PTPRD: variants seen among roughly 807,000 people sequenced by gnomAD.
The protein encoded by PTPRD is receptor-type tyrosine-protein phosphatase delta.
Under a neutral mutation model 214.5 loss-of-function variants are expected in PTPRD, and 34 were observed. The observed-to-expected ratio is 0.16, with a 90% confidence interval of 0.12 to 0.21. The LOEUF (loss-of-function observed/expected upper bound fraction) is 0.21, where lower values mean the gene tolerates loss of function less well. Among genes scored for constraint, PTPRD ranks in the 10% least tolerant of loss-of-function variants. The probability of loss-of-function intolerance (pLI) is 1.00; values close to 1 mark genes in which losing one functional copy is unlikely to be tolerated. For synonymous variants in PTPRD, 1,128 were observed against 845.7 expected, an observed-to-expected ratio of 1.33 and a Z score of -5.79; for missense variants, 2,545 against 2,398.7, an observed-to-expected ratio of 1.06 and a Z score of -1.27.
chr9:9,273,773 G>A lies in PTPRD; in HGVS notation c.-202-90410C>T, dbSNP rs143560181. On this transcript the variant is annotated intron_variant, in intron 9 of 45. Transcript: ENST00000381196. Reference sequence around the variant, plus strand: ...TAATGATTTGCACAGGTGGAAGTAAGAGATTATAATGAGGTCTCATCCTCC... The same window carrying A: ...TAATGATTTGCACAGGTGGAAGTAAAAGATTATAATGAGGTCTCATCCTCC... 3.4e-3 allele frequency among the ~76,000 whole-genome samples: 508 copies of A among 151,370 alleles called. 2 individuals are homozygous for A. The highest frequency in any genetic ancestry group is 0.012 in the African/African-American group (482 of 41,410).
chr9:9,683,285 A>G (rs1296096682), intron 7 of PTPRD, among the ~76,000 whole-genome samples: 1 of 151,710 alleles, frequency 6.6e-6, no homozygotes, highest in Admixed American at 6.6e-5. Flanking sequence ...TGGGAATATT[A>G]CCAGGCACTC....
chr9:9,883,341 AATTT>A (rs1298204519), intron 5 of PTPRD, among the ~76,000 whole-genome samples: 2 of 152,148 alleles, frequency 1.3e-5, no homozygotes, highest in Non-Finnish European at 2.9e-5. Flanking sequence ...AAACGCTAGA[AATTT>A]ATTTATAAGT....
At chr9:8,693,357 C>T (rs866146637) in intron 12 of PTPRD, among the ~76,000 whole-genome samples, 4 of 152,330 alleles carry the variant, frequency 2.6e-5, no homozygotes, top group Non-Finnish European at 4.4e-5. Flanking sequence ...ACATATCCTT[C>T]TTCTCCATGT....
chr9:9,469,438 T>G (rs76974097), intron 8 of PTPRD, among the ~76,000 whole-genome samples: 1 of 152,108 alleles, frequency 6.6e-6, no homozygotes, highest in Non-Finnish European at 1.5e-5. Flanking sequence ...CCGATGTACT[T>G]GGGTTCCAGA....
intron 4 of PTPRD, among the ~76,000 whole-genome samples, chr9:9,956,174 T>G (rs1440255538): frequency 2.0e-5 from 3 of 152,202 alleles, no homozygotes; most frequent in Non-Finnish European, 2.9e-5. Flanking sequence ...TGGAGAGGTA[T>G]TTTTCTTCCC....
At chr9:9,977,275 T>C (rs1321311138) in intron 4 of PTPRD, among the ~76,000 whole-genome samples, 2 of 152,148 alleles carry the variant, frequency 1.3e-5, no homozygotes, top group Non-Finnish European at 2.9e-5. Flanking sequence ...CAAAAGTGCA[T>C]CCTTGGCTTA....
chr9:9,863,836 GAAAA>G (rs34403806), intron 5 of PTPRD, among the ~76,000 whole-genome samples: 3 of 135,584 alleles, frequency 2.2e-5, no homozygotes, highest in Non-Finnish European at 3.2e-5. Flanking sequence ...ATGCAGGACG[GAAAA>G]AAAAAAAAAA....
intron 10 of PTPRD, among the ~76,000 whole-genome samples, chr9:9,138,908 G>C (rs324549): frequency 5.3e-5 from 8 of 151,664 alleles, no homozygotes; most frequent in African/African-American, 1.7e-4. Flanking sequence ...GTTATATTTG[G>C]TTATTATAAC....
intron 11 of PTPRD, among the ~76,000 whole-genome samples, chr9:8,928,275 C>T (rs1373871304): frequency 2.6e-5 from 4 of 152,116 alleles, no homozygotes; most frequent in Non-Finnish European, 4.4e-5. Flanking sequence ...GAAGTCTTTG[C>T]CCATGCCTAT....
intron 8 of PTPRD, among the ~76,000 whole-genome samples, chr9:9,404,170 A>C (rs1370059710): frequency 1.3e-5 from 2 of 152,096 alleles, no homozygotes; most frequent in African/African-American, 2.4e-5. Context: ...GTGCCAAGAA[A>C]TTTGGGTTTA....
At chr9:10,256,025 T>G (rs35715178) in intron 3 of PTPRD, among the ~76,000 whole-genome samples, 3,400 of 152,214 alleles carry the variant, frequency 0.022, 180 homozygotes, top group East Asian at 0.14. Flanking sequence ...GCAGCAGCAT[T>G]AGATTATCAC....
rs887558484 is a variant in PTPRD, at chr9:10,412,193, G to A, written c.-599-71176C>T. 4.0e-5 allele frequency among the ~76,000 whole-genome samples: 6 copies of A among 151,660 alleles called. No homozygotes were observed. The East Asian group carries it at 1.2e-3, about 30-fold the overall frequency. The stretch of plus-strand genomic sequence containing the variant: ...ATAAGCTATACTAATAAAGAAGAGA[G>A]AAGATCCAAATAACATAATTAGAAA... On this transcript the variant is annotated intron_variant, in intron 2 of 45. Coordinates refer to ENST00000381196, the MANE Select transcript of PTPRD (RefSeq NM_002839.4).
At chr9:10,190,353 A>G (rs2099357323) in intron 3 of PTPRD, among the ~76,000 whole-genome samples, 1 of 134,206 alleles carries the variant, frequency 7.5e-6, no homozygotes, top group Non-Finnish European at 1.6e-5. Context: ...GCACTCCAGC[A>G]CTGCAGCCTG....
At chr9:8,441,989 G>A (rs2132934701) in intron 34 of PTPRD, among the ~76,000 whole-genome samples, 1 of 152,278 alleles carries the variant, frequency 6.6e-6, no homozygotes, top group African/African-American at 2.4e-5. Flanking sequence ...TATGCAGCAA[G>A]ACAGAGATCA....
intron 4 of PTPRD, among the ~76,000 whole-genome samples, chr9:9,950,359 G>T (rs1050973982): frequency 6.6e-6 from 1 of 152,170 alleles, no homozygotes; most frequent in Non-Finnish European, 1.5e-5. Context: ...AGCTAGGGAA[G>T]CTGGTGGAGA....
rs185340018 is a variant in PTPRD, at chr9:9,455,167, G to T, written c.-236-57685C>A. 4.7e-4 allele frequency among the ~76,000 whole-genome samples: 72 copies of T among 151,658 alleles called. No homozygotes were observed. The South Asian group carries it at 8.7e-3, about 18-fold the overall frequency. ...GTAACATCTGGTGGTAGCATAGATGGTTATTCTGCAGTTGATATTCTAAGT... is the reference window on the plus strand; with the variant it reads ...GTAACATCTGGTGGTAGCATAGATGTTTATTCTGCAGTTGATATTCTAAGT... On this transcript the variant is annotated intron_variant, in intron 8 of 45. Transcript: ENST00000381196.
At chr9:9,636,902 G>A (rs568469035) in intron 7 of PTPRD, among the ~76,000 whole-genome samples, 1 of 152,244 alleles carries the variant, frequency 6.6e-6, no homozygotes, top group East Asian at 1.9e-4. Context: ...TCTGGTAAGG[G>A]GGGCGAGTCT....
chr9:9,084,026 C>T (rs1459549489), intron 10 of PTPRD, among the ~76,000 whole-genome samples: 2 of 152,080 alleles, frequency 1.3e-5, no homozygotes, highest in Admixed American at 6.6e-5. Context: ...CCAGAAATAC[C>T]GTTTGACCCA....
chr9:9,235,867 T>C (rs962276361), intron 9 of PTPRD, among the ~76,000 whole-genome samples: 4 of 152,176 alleles, frequency 2.6e-5, no homozygotes, highest in Non-Finnish European at 4.4e-5. Flanking sequence ...TTTTTTGTTG[T>C]TGTTGTTTGG....
Sources: allele counts gnomAD v4.1 joint callset (sites outside exome capture counted in the v4.1 genomes callset), GRCh38; gene constraint gnomAD v4.1.1; transcripts MANE v1.5; gene names NCBI Gene and HGNC (gene_info 2026-07-23, HGNC 2026-07-21).